The following LMTK2 variants were observed in gnomAD, a reference collection of about 807,000 sequenced individuals.
LMTK2 encodes the protein serine/threonine-protein kinase LMTK2.
LMTK2 carries 37 observed loss-of-function variants against 127.5 expected under a neutral mutation model. That is an observed-to-expected ratio of 0.29 (90% CI 0.22 to 0.38). The LOEUF (loss-of-function observed/expected upper bound fraction) is 0.38. Among genes scored for constraint, LMTK2 ranks in the 10% least tolerant of loss-of-function variants. The pLI is 1.00. For synonymous variants in LMTK2, 819 were observed against 810.1 expected (o/e 1.01, Z -0.19); for missense variants, 1,694 against 1,920.3 (o/e 0.88, Z 2.20).
intron 13 of LMTK2, among the ~76,000 whole-genome samples, chr7:98,204,990 G>A (rs1403580408): frequency 6.6e-6 from 1 of 152,182 alleles, no homozygotes; most frequent in Non-Finnish European, 1.5e-5. Context: ...GCGGGGTGGG[G>A]TGAATGGGCA....
At position 98,192,360 on chromosome 7, in the gene LMTK2, T is replaced by C; in HGVS notation, c.1895T>C (p.Phe632Ser). The C allele has an allele frequency of 6.3e-7, 1 of 1,593,234 alleles. No homozygotes were observed. Among genetic ancestry groups the C allele is most frequent in the African/African-American group, 1.4e-5 (1 of 73,738 alleles). ...GTGACCAGTGGCCCCGAGAGCCCTT[T>C]CAACAATATATTTAATGATGTGGAC... ...LHVTSGPESP[F>S]NNIFNDVDKS... The change falls in exon 11 of 14, where the codon TTC becomes TCC. Residue 632 changes from phenylalanine (F) to serine (S), a missense_variant. Physicochemically the swap from Phe to Ser is radical, Grantham distance 155 (BLOSUM62 -2). Around this residue, in one of 8 missense-constraint regions of LMTK2, gnomAD observed 527 missense variants for 539.8 expected, o/e 0.98. Transcript: ENST00000297293.
intron 11 of LMTK2, among the ~76,000 whole-genome samples, chr7:98,197,373 A>G (rs1270395294): frequency 6.6e-6 from 1 of 152,242 alleles, no homozygotes; most frequent in Non-Finnish European, 1.5e-5. Flanking sequence ...AGAACTTTTC[A>G]CCACTGAGCC....
rs752506702 is a variant in LMTK2 at position 98,209,342 on chromosome 7, T to G, written c.*3850T>G. The G allele has an allele frequency of 2.6e-5, 4 of 152,226 alleles. No homozygotes were observed. The highest frequency in any genetic ancestry group is 2.9e-5 in the Non-Finnish European group (2 of 68,036). 9.4% of individuals were successfully genotyped at this position (152,226 alleles called of 1,614,324 possible). A position where few individuals can be genotyped will look rare whatever the true frequency, so the allele number is the denominator to read the frequency against. Reference sequence around the variant, plus strand: ...TGCTGGTTAAGCACTCAGGCCTACGTGGGCCGAGCGGGATCTTGATCATGG... The same window carrying G: ...TGCTGGTTAAGCACTCAGGCCTACGGGGGCCGAGCGGGATCTTGATCATGG... On this transcript the variant is annotated 3_prime_UTR_variant, in exon 14 of 14. Transcript: ENST00000297293.
intron 1 of LMTK2, among the ~76,000 whole-genome samples, chr7:98,120,538 A>T (rs1404844445): frequency 6.6e-6 from 1 of 152,184 alleles, no homozygotes; most frequent in East Asian, 1.9e-4. Context: ...AAGTGTTGTG[A>T]TCTATTGGTG....
chr7:98,164,107 A>G (rs1387323923), intron 6 of LMTK2, among the ~76,000 whole-genome samples: 1 of 152,226 alleles, frequency 6.6e-6, no homozygotes, highest in African/African-American at 2.4e-5. Flanking sequence ...AATTTTTATG[A>G]AAGTAAATGA....
intron 1 of LMTK2, among the ~76,000 whole-genome samples, chr7:98,124,342 C>T (rs1224985278): frequency 2.6e-5 from 4 of 152,290 alleles, no homozygotes; most frequent in East Asian, 1.9e-4. Context: ...TTCAGTGCTC[C>T]GTTTCTTCAT....
intron 3 of LMTK2, among the ~76,000 whole-genome samples, chr7:98,144,480 C>G (rs1174984540): frequency 6.6e-6 from 1 of 151,694 alleles, no homozygotes; most frequent in Non-Finnish European, 1.5e-5. Context: ...AAAAGTCTCC[C>G]TGTGGTATTT....
chr7:98,178,302 G>A (rs1204892585), intron 7 of LMTK2, among the ~76,000 whole-genome samples: 1 of 152,214 alleles, frequency 6.6e-6, no homozygotes, highest in Non-Finnish European at 1.5e-5. Flanking sequence ...CCTCCTGCGT[G>A]TTGAGTTTGC....
At chr7:98,140,942 A>G (rs111894144) in intron 2 of LMTK2, among the ~76,000 whole-genome samples, 372 of 151,906 alleles carry the variant, frequency 2.4e-3, no homozygotes, top group African/African-American at 8.7e-3. Context: ...CTGTGGTCCC[A>G]GCTACTCGGG....
At chr7:98,203,743 A>G in intron 12 of LMTK2, 37 bp downstream of exon 12, 2 of 1,609,290 alleles carry the variant, frequency 1.2e-6, no homozygotes. Flanking sequence ...AAGGAAACTG[A>G]AAAATTGAGT....
intron 1 of LMTK2, among the ~76,000 whole-genome samples, chr7:98,128,737 G>A (rs968137802): frequency 1.3e-5 from 2 of 152,188 alleles, no homozygotes; most frequent in Non-Finnish European, 2.9e-5. Context: ...TTGGATTCTC[G>A]CTTTGCCTGC....
intron 1 of LMTK2, among the ~76,000 whole-genome samples, chr7:98,136,273 G>T (rs949990964): frequency 8.5e-5 from 13 of 152,106 alleles, no homozygotes; most frequent in African/African-American, 3.1e-4. Context: ...ATAAATAAGG[G>T]GAGGAGAGGG....
At chr7:98,169,806 GAA>G (rs925444829) in intron 6 of LMTK2, among the ~76,000 whole-genome samples, 1 of 143,468 alleles carries the variant, frequency 7.0e-6, no homozygotes, top group African/African-American at 2.5e-5. Context: ...GTTTTTACAA[GAA>G]AAAAAAAAAA....
chr7:98,154,919 T>C, intron 5 of LMTK2, 43 bp downstream of exon 5: 1 of 1,143,564 alleles, frequency 8.7e-7, no homozygotes, highest in Non-Finnish European at 1.3e-6. Flanking sequence ...TAGTCTGTGG[T>C]CTGTTGAAGG....
intron 1 of LMTK2, among the ~76,000 whole-genome samples, chr7:98,131,556 T>C (rs888645517): frequency 1.3e-5 from 2 of 152,226 alleles, no homozygotes; most frequent in South Asian, 2.1e-4. Flanking sequence ...TGTTTTTGTT[T>C]GCTTGTTTTG....
chr7:98,118,230 T>A (rs1193848746), intron 1 of LMTK2, among the ~76,000 whole-genome samples: 1 of 152,232 alleles, frequency 6.6e-6, no homozygotes, highest in African/African-American at 2.4e-5. Context: ...TGCATTATAA[T>A]GATATTGGCA....
intron 3 of LMTK2, among the ~76,000 whole-genome samples, chr7:98,145,234 A>T (rs1796753563): frequency 6.6e-6 from 1 of 151,442 alleles, no homozygotes; most frequent in South Asian, 2.1e-4. Context: ...ACCACTAAAA[A>T]ATTTACAGAA....
intron 1 of LMTK2, among the ~76,000 whole-genome samples, chr7:98,113,322 C>T (rs1381615888): frequency 1.3e-5 from 2 of 152,176 alleles, no homozygotes; most frequent in African/African-American, 2.4e-5. Flanking sequence ...CCCCTTCCAC[C>T]GTGTTTATAA....
chr7:98,166,770 C>T (rs1584274811), intron 6 of LMTK2, among the ~76,000 whole-genome samples: 1 of 152,210 alleles, frequency 6.6e-6, no homozygotes, highest in African/African-American at 2.4e-5. Flanking sequence ...GTGCAGTAGG[C>T]TGACCATCTA....
Sources: gnomAD v4.1 joint callset for allele counts (sites outside exome capture counted in the v4.1 genomes callset) on GRCh38, gnomAD v4.1.1 for gene constraint, gnomAD v4.1.1 regional missense constraint, MANE v1.5 for transcripts, NCBI Gene and HGNC (gene_info 2026-07-23, HGNC 2026-07-21) for gene names.